The following ANK2 variants were observed in gnomAD, a reference collection of about 807,000 sequenced individuals.
ANK2 encodes ankyrin-2.
ANK2 carries 83 observed loss-of-function variants against 360.5 expected under a neutral mutation model. The observed-to-expected ratio is 0.23, with a 90% CI of 0.19 to 0.28. The LOEUF (loss-of-function observed/expected upper bound fraction) is 0.28, where lower values mean the gene tolerates loss of function less well. Ranked by LOEUF, ANK2 falls within the 10% of genes least tolerant of loss-of-function variation. The probability of loss-of-function intolerance (pLI) is 1.00; values close to 1 mark genes in which losing one functional copy is unlikely to be tolerated. For synonymous variants in ANK2, 1,740 were observed against 1,759.5 expected (o/e 0.99, Z 0.28); for missense variants, 4,201 against 4,795.7 (o/e 0.88, Z 3.66).
chr4:112,929,967 A>T (rs2093005282), intron 2 of ANK2, among the ~76,000 whole-genome samples: 1 of 152,212 alleles, frequency 6.6e-6, no homozygotes, highest in Non-Finnish European at 1.5e-5. Context: ...TCTGTGATTC[A>T]TAAAGTACAG....
At chr4:113,110,667 T>A (rs1031093794) in intron 1 of ANK2, among the ~76,000 whole-genome samples, 2 of 152,262 alleles carry the variant, frequency 1.3e-5, no homozygotes, top group South Asian at 4.1e-4. Context: ...GCACTTCAAT[T>A]CTCTGGTGCC....
chr4:113,284,090 C>T (rs1249777408), intron 18 of ANK2, among the ~76,000 whole-genome samples: 1 of 152,096 alleles, frequency 6.6e-6, no homozygotes, highest in Non-Finnish European at 1.5e-5. Flanking sequence ...TTTTAAAGCA[C>T]GATGAGAGCA....
chr4:112,889,296 G>T lies in ANK2; in HGVS notation c.-39-15159G>T, dbSNP rs767663254. 9.2e-4 allele frequency among the ~76,000 whole-genome samples: 139 copies of T among 150,612 alleles called. 1 individual carries two copies. Among genetic ancestry groups the T allele is most frequent in the Non-Finnish European group, 8.6e-4 (58 of 67,758 alleles). On this transcript the variant is annotated intron_variant, in intron 1 of 30. Transcript: ENST00000503271. ...GCTTACCATTCATCTTTTCTTTTAT[G>T]GGAGATATTGCCCTTTTTTCTCTTT...
intron 1 of ANK2, among the ~76,000 whole-genome samples, chr4:113,081,178 A>G (rs1283278995): frequency 6.6e-6 from 1 of 152,158 alleles, no homozygotes; most frequent in Non-Finnish European, 1.5e-5. Context: ...CTTTTCTTTT[A>G]ATTAGTTCTG....
Position 113,004,444 on chromosome 4 carries a change from A to G in ANK2, c.21+99930A>G, listed in dbSNP as rs1403803608. Among the ~76,000 whole-genome samples the G allele has an allele frequency of 2.0e-5, 3 of 152,074 alleles. No individual in the cohort carries two copies. The East Asian group carries it at 5.8e-4, about 29-fold the overall frequency. ...AACACCCACAGTAGCCTCGCCCTAC[A>G]TAAGATTAGGATCATCAGCATAGCT... On this transcript the variant is annotated intron_variant, in intron 2 of 30. Transcript: ENST00000503271.
intron 23 of ANK2, among the ~76,000 whole-genome samples, chr4:113,305,464 C>T (rs1490908249): frequency 1.3e-5 from 2 of 151,434 alleles, no homozygotes; most frequent in Non-Finnish European, 2.9e-5. Flanking sequence ...GATAAGAACT[C>T]TTGGTTTGTG....
At chr4:113,378,143 G>A in intron 45 of ANK2, 2 of 1,281,378 alleles carry the variant, frequency 1.6e-6, no homozygotes, top group Admixed American at 2.3e-5. Flanking sequence ...GTTTAGTAGA[G>A]AATGAAATCC....
At chr4:113,151,642 G>A (rs2097090106) in intron 1 of ANK2, among the ~76,000 whole-genome samples, 2 of 152,076 alleles carry the variant, frequency 1.3e-5, no homozygotes, top group Admixed American at 6.6e-5. Flanking sequence ...GTCAAATATG[G>A]AAACCACAGC....
At chr4:113,216,025 T>A (rs2099081531) in intron 4 of ANK2, among the ~76,000 whole-genome samples, 1 of 152,192 alleles carries the variant, frequency 6.6e-6, no homozygotes, top group Non-Finnish European at 1.5e-5. Flanking sequence ...GAAAGAGCCT[T>A]TTTTCCCAAC....
chr4:113,250,376 T>C (rs1294219954), intron 10 of ANK2, among the ~76,000 whole-genome samples: 1 of 152,192 alleles, frequency 6.6e-6, no homozygotes, highest in Non-Finnish European at 1.5e-5. Context: ...CAAGTTGCAA[T>C]AGGCCACCTA....
In ANK2 at chr4:113,359,124, T is replaced by A; in HGVS notation, c.10506T>A (p.Val3502=). ...AGTCAGAGAGGGAGCAGGAAATAGT[T>A]TCAGACGATGAAAGTAGTAGTGCCC... ...LTQSEREQEI[V]SDDESSSALE... is the part of the protein sequence containing the mutation. Residue 3502 remains valine (V), a synonymous_variant, in exon 38 of 46, where the codon GTT becomes GTA. Transcript: ENST00000357077. 3 of 1,614,040 alleles carry A rather than the reference T, an allele frequency of 1.9e-6. No individual in the cohort carries two copies. The highest frequency in any genetic ancestry group is 2.5e-6 in the Non-Finnish European group (3 of 1,179,924).
chr4:113,214,647 G>A (rs1040465169), intron 4 of ANK2, among the ~76,000 whole-genome samples: 1 of 152,070 alleles, frequency 6.6e-6, no homozygotes, highest in African/African-American at 2.4e-5. Flanking sequence ...TTATTACTAA[G>A]AGTATTAAGC....
intron 5 of ANK2, among the ~76,000 whole-genome samples, chr4:113,232,969 G>A (rs913786170): frequency 6.6e-6 from 1 of 152,112 alleles, no homozygotes; most frequent in African/African-American, 2.4e-5. Flanking sequence ...GATTTCAAGT[G>A]ATGCTCCAGA....
chr4:112,728,599 A>G, the ANK2 span, among the ~76,000 whole-genome samples: 1 of 151,954 alleles, frequency 6.6e-6, no homozygotes, highest in East Asian at 1.9e-4. Flanking sequence ...AAAAATACAA[A>G]AAATTAGCCA....
chr4:112,756,214 G>A, the ANK2 span, among the ~76,000 whole-genome samples: 7 of 146,762 alleles, frequency 4.8e-5, no homozygotes, highest in East Asian at 1.4e-3. Flanking sequence ...CTTCAGCCTG[G>A]GTGACAGAGT....
chr4:112,815,815 A>T (rs1256956114), upstream of ANK2, among the ~76,000 whole-genome samples: 1 of 152,230 alleles, frequency 6.6e-6, no homozygotes, highest in African/African-American at 2.4e-5. Context: ...GGACCACATC[A>T]AACACCACGG....
rs116415727 is a variant in ANK2, at chr4:112,892,744, G to C, written c.-39-11711G>C. On this transcript the variant is annotated intron_variant, in intron 1 of 30. Transcript: ENST00000503271. The stretch of plus-strand genomic sequence containing the variant: ...TCAGTGAGACTGATATGCATGCTAA[G>C]GGTATTGAAGTGAAACTTTAAGGCA... 2.6e-3 allele frequency among the ~76,000 whole-genome samples: 395 copies of C among 152,302 alleles called. 2 individuals are homozygous for C. The highest frequency in any genetic ancestry group is 9.2e-3 in the African/African-American group (382 of 41,574).
intron 2 of ANK2, among the ~76,000 whole-genome samples, chr4:112,997,240 A>T (rs2154282233): frequency 6.6e-6 from 1 of 152,274 alleles, no homozygotes; most frequent in South Asian, 2.1e-4. Flanking sequence ...TCATGTACTT[A>T]TCATTTTTGT....
At chr4:112,921,369 G>A (rs1032557260) in intron 2 of ANK2, among the ~76,000 whole-genome samples, 2 of 140,704 alleles carry the variant, frequency 1.4e-5, no homozygotes, top group Non-Finnish European at 3.0e-5. Flanking sequence ...TCTGCATTAG[G>A]TTTCTTTAAG....
Sources: gnomAD v4.1 joint callset for allele counts (sites outside exome capture counted in the v4.1 genomes callset) on GRCh38, gnomAD v4.1.1 for gene constraint, MANE v1.5 for transcripts, NCBI Gene and HGNC (gene_info 2026-07-23, HGNC 2026-07-21) for gene names.